LRSAM1: variants seen among roughly 807,000 people sequenced by gnomAD.
LRSAM1 encodes leucine rich repeat and sterile alpha motif containing 1, also known as E3 ubiquitin-protein ligase LRSAM1.
Under a neutral mutation model 118.1 loss-of-function variants are expected in LRSAM1, and 96 were observed. The ratio of observed to expected loss-of-function variants is 0.81; its 90% CI spans 0.69 to 0.96. The LOEUF is 0.96. Ranked by LOEUF, LRSAM1 falls within the 40% of genes least tolerant of loss-of-function variation. The pLI, the probability that LRSAM1 is intolerant of heterozygous loss-of-function variation, is 0.00. For synonymous variants in LRSAM1, 322 were observed against 364.2 expected (o/e 0.88, Z 1.32); for missense variants, 804 against 915.5 (o/e 0.88, Z 1.57).
chr9:127,489,093 G>A (rs926544943), intron 18 of LRSAM1, among the ~76,000 whole-genome samples: 7 of 152,186 alleles, frequency 4.6e-5, no homozygotes. Flanking sequence ...CTGCCTTGTG[G>A]TTAAGTGGGG....
At chr9:127,490,337 A>C (rs978382709) in intron 19 of LRSAM1, among the ~76,000 whole-genome samples, 2 of 151,528 alleles carry the variant, frequency 1.3e-5, no homozygotes, top group South Asian at 2.1e-4. Context: ...ATTGCCGGAC[A>C]TGAAGCTCAT....
At chr9:127,496,203 C>A in intron 23 of LRSAM1, 108 bp downstream of exon 23, 1 of 1,495,870 alleles carries the variant, frequency 6.7e-7, no homozygotes, top group Admixed American at 2.0e-5. Flanking sequence ...CCTGTCCTTA[C>A]CTAATGGCCC....
intron 25 of LRSAM1, among the ~76,000 whole-genome samples, chr9:127,501,757 A>G (rs954213704): frequency 2.0e-5 from 3 of 152,346 alleles, no homozygotes; most frequent in African/African-American, 7.2e-5. Flanking sequence ...TCATCTTTTA[A>G]AAATTCATTA....
intron 9 of LRSAM1, among the ~76,000 whole-genome samples, chr9:127,464,466 G>GC (rs996195557): frequency 6.6e-6 from 1 of 152,124 alleles, no homozygotes; most frequent in African/African-American, 2.4e-5. Context: ...TATCTATGGA[G>GC]CACCTGGAAT....
chr9:127,465,943 C>T lies in LRSAM1; in HGVS notation c.529-1797C>T, dbSNP rs953736096. The stretch of plus-strand genomic sequence containing the variant: ...ACACGGAGGCATCTGCATGTGTGCG[C>T]TGATAAACATTTGTCATTACATAAT... On this transcript the variant is annotated intron_variant, in intron 9 of 25. Coordinates refer to ENST00000300417, the MANE Select transcript of LRSAM1 (RefSeq NM_001005373.4). This position sits in a 1 kb window ranked among gnomAD's most constrained non-coding sequence, Gnocchi z 4.1. 1.3e-5 allele frequency among the ~76,000 whole-genome samples: 2 copies of T among 152,128 alleles called. No individual in the cohort carries two copies. Among genetic ancestry groups the T allele is most frequent in the African/African-American group, 4.8e-5 (2 of 41,422 alleles).
At chr9:127,488,208 G>A (rs1001612231) in intron 18 of LRSAM1, among the ~76,000 whole-genome samples, 3 of 152,136 alleles carry the variant, frequency 2.0e-5, no homozygotes, top group African/African-American at 4.8e-5. Context: ...TGGATGAAAC[G>A]AAGGGCCCCT....
chr9:127,455,861 C>T (rs978226380), intron 5 of LRSAM1, among the ~76,000 whole-genome samples: 1 of 152,180 alleles, frequency 6.6e-6, no homozygotes, highest in Non-Finnish European at 1.5e-5. Flanking sequence ...TCCTTAAACT[C>T]TTACTTCTCA....
chr9:127,452,043 C>G lies in LRSAM1; in HGVS notation c.-74C>G, dbSNP rs1834342761. On this transcript the variant is annotated 5_prime_UTR_variant, in exon 2 of 26. Transcript: ENST00000300417. ...TGATCGGCCTGCCCTCGGGTGCACC[C>G]GCGGGTCCCAACGTGGGGGATCCCT... The G allele has an allele frequency of 6.6e-6, 1 of 152,220 alleles. No individual in the cohort carries two copies. Among genetic ancestry groups the G allele is most frequent in the Non-Finnish European group, 1.5e-5 (1 of 68,064 alleles). 9.4% of individuals were successfully genotyped at this position (152,220 alleles called of 1,614,324 possible). A position where few individuals can be genotyped will look rare whatever the true frequency, so the allele number is the denominator to read the frequency against.
In LRSAM1 at chr9:127,493,159, T is replaced by C. The variant is rs1168927941; in HGVS notation, c.1599+262T>C. ...TCACTGCAGCCTTGACTTCCTGGGC[T>C]CAAGCGATCCTCCCACCTCAGCTTC... On this transcript the variant is annotated intron_variant, in intron 21 of 25. Transcript: ENST00000300417. Among the ~76,000 whole-genome samples, 11 of 152,298 alleles carry C rather than the reference T, an allele frequency of 7.2e-5. No individual in the cohort carries two copies. The East Asian group carries it at 2.1e-3, about 29-fold the overall frequency.
At chr9:127,488,107 C>CCAG (rs1835798538) in intron 18 of LRSAM1, among the ~76,000 whole-genome samples, 1 of 152,112 alleles carries the variant, frequency 6.6e-6, no homozygotes, top group South Asian at 2.1e-4. Flanking sequence ...GCTGTGGGAC[C>CCAG]TCTGGCCTCT....
chr9:127,469,096 G>A (rs921056747), intron 10 of LRSAM1, among the ~76,000 whole-genome samples: 4 of 152,156 alleles, frequency 2.6e-5, no homozygotes, highest in African/African-American at 9.7e-5. Context: ...ATCCAACAAA[G>A]GACTGGGATC....
Position 127,454,668 on chromosome 9 carries a change from C to T in LRSAM1, c.72+69C>T, listed in dbSNP as rs1053696036. 9 of 1,483,646 alleles carry T rather than the reference C, an allele frequency of 6.1e-6. No homozygotes were observed. The African/African-American group carries it at 1.2e-4, about 21-fold the overall frequency. 91.9% of individuals were successfully genotyped at this position (1,483,646 alleles called of 1,614,324 possible). On this transcript the variant is annotated intron_variant, in intron 3 of 25. Transcript: ENST00000300417. ...TCGGTCCCCATGGAGTAGGCCTCCG[C>T]ACTGCCCCCAACAAGCCGTGCTCCT...
At chr9:127,486,972 C>T (rs1373778791) in intron 17 of LRSAM1, among the ~76,000 whole-genome samples, 3 of 151,926 alleles carry the variant, frequency 2.0e-5, no homozygotes, top group Admixed American at 6.6e-5. Context: ...CACCTGAGGT[C>T]GGGAGTTTGA....
At chr9:127,484,263 C>CTTTTTTTTTTTTTTTTTTTTTTTTTT (rs35834839) in intron 16 of LRSAM1, among the ~76,000 whole-genome samples, 1 of 133,684 alleles carries the variant, frequency 7.5e-6, no homozygotes, top group African/African-American at 2.8e-5. Flanking sequence ...ATTTCTTTCC[C>CTTTTTTTTTTTTTTTTTTTTTTTTTT]TTTTTTTTTT....
intron 7 of LRSAM1, among the ~76,000 whole-genome samples, chr9:127,459,649 C>A (rs1243304348): frequency 1.3e-5 from 2 of 152,102 alleles, no homozygotes; most frequent in Non-Finnish European, 2.9e-5. Context: ...ACATCTGCCT[C>A]CCGGGTTCAA....
intron 10 of LRSAM1, among the ~76,000 whole-genome samples, chr9:127,472,632 C>G (rs142410785): frequency 0.015 from 2,211 of 152,014 alleles, 59 homozygotes; most frequent in African/African-American, 0.05. Flanking sequence ...CAGAGCAAGA[C>G]TCCATCTCAA....
intron 24 of LRSAM1, among the ~76,000 whole-genome samples, chr9:127,500,796 A>G (rs1020784968): frequency 1.3e-5 from 2 of 152,208 alleles, no homozygotes; most frequent in African/African-American, 4.8e-5. Flanking sequence ...CTGCAGAGAG[A>G]GACTTCACTC....
intron 8 of LRSAM1, 137 bp from the exon 9 acceptor site, chr9:127,462,115 C>G (rs758916865): frequency 4.6e-5 from 57 of 1,233,522 alleles, no homozygotes; most frequent in Admixed American, 2.4e-4. Context: ...GGAACTCCAC[C>G]TTCTTGAGCC....
At chr9:127,497,664 A>C (rs1012724200) in intron 24 of LRSAM1, among the ~76,000 whole-genome samples, 1 of 152,206 alleles carries the variant, frequency 6.6e-6, no homozygotes, top group Admixed American at 6.5e-5. Context: ...AGAGGGAGAA[A>C]TAGCCCGTCC....
Sources: gnomAD v4.1 joint callset for allele counts (sites outside exome capture counted in the v4.1 genomes callset) on GRCh38, gnomAD v4.1.1 for gene constraint, Gnocchi (gnomAD v3.1) non-coding constraint, MANE v1.5 for transcripts, NCBI Gene and HGNC (gene_info 2026-07-23, HGNC 2026-07-21) for gene names.